Variants in TLCD3B observed in about 807,000 individuals in gnomAD.
TLCD3B encodes ceramide synthase.
A neutral mutation model predicts 23.0 loss-of-function variants in TLCD3B; 9 were observed. The ratio of observed to expected loss-of-function variants is 0.39; its 90% CI spans 0.24 to 0.68. The LOEUF is 0.68. TLCD3B is among the 30% of genes least tolerant of loss of function. The pLI, the probability that TLCD3B is intolerant of heterozygous loss-of-function variation, is 0.44. For missense variants in TLCD3B, 307 were observed against 371.8 expected (o/e 0.83, Z 1.43); for synonymous variants, 161 against 161.0 (o/e 1.00, Z 0.00).
chr16:30,039,772 C>T (rs768877792), intron 3 of TLCD3B, among the ~76,000 whole-genome samples: 7 of 152,028 alleles, frequency 4.6e-5, no homozygotes, highest in African/African-American at 1.4e-4. Flanking sequence ...CCACCATGCT[C>T]GGCCAGTGTT....
chr16:30,025,639 G>T lies in TLCD3B; in HGVS notation c.540+87C>A. On this transcript the variant is annotated intron_variant, in intron 4 of 4. Transcript: ENST00000380495. This position sits in a 1 kb window ranked among gnomAD's most constrained non-coding sequence, Gnocchi z 4.1. Reference sequence around the variant, plus strand: ...GGGGTGAGGGGGGGATGACGAAGGGGCTAGAGCCCTTGGCAGCAACCTTGA... The same window carrying T: ...GGGGTGAGGGGGGGATGACGAAGGGTCTAGAGCCCTTGGCAGCAACCTTGA... The T allele has an allele frequency of 1.3e-6, 2 of 1,494,658 alleles. No homozygotes were observed. The highest frequency in any genetic ancestry group is 1.9e-6 in the Non-Finnish European group (2 of 1,072,944). The allele number at this position is 1,494,658 out of a possible 1,614,324, so 92.6% of individuals were successfully genotyped here.
chr16:30,024,456 C>T lies in TLCD3B; in HGVS notation c.*727G>A, dbSNP rs1319415211. ...GTTCACGCAGATCGTCTTTTATTAG[C>T]GGTCTGTAAAGCACCTCCCAGGGTC... On this transcript the variant is annotated 3_prime_UTR_variant, in exon 5 of 5. Transcript: ENST00000380495. The T allele has an allele frequency of 9.5e-6, 6 of 630,152 alleles. No homozygotes were observed. Among genetic ancestry groups the T allele is most frequent in the East Asian group, 5.5e-5 (2 of 36,044 alleles). The allele number at this position is 630,152 out of a possible 1,614,324, so 39.0% of individuals were successfully genotyped here.
chr16:30,028,285 G>A (rs921575131), intron 2 of TLCD3B, among the ~76,000 whole-genome samples: 1 of 152,186 alleles, frequency 6.6e-6, no homozygotes, highest in African/African-American at 2.4e-5. Context: ...TAGGTGCTCA[G>A]AAGTAGGAAC....
At chr16:30,030,161 A>G in intron 1 of TLCD3B, 2 of 1,468,150 alleles carry the variant, frequency 1.4e-6, no homozygotes, top group South Asian at 2.4e-5. Context: ...GGGAGGGTGT[A>G]CGGGGAAGAA....
At chr16:30,035,565 C>G (rs149378381), upstream of TLCD3B, 34 of 1,233,046 alleles carry the variant, frequency 2.8e-5, no homozygotes, top group South Asian at 6.7e-5. Flanking sequence ...TTCTTCACCC[C>G]CAATGAGGCA....
At chr16:30,038,036 A>G (rs1681614889) in intron 3 of TLCD3B, among the ~76,000 whole-genome samples, 1 of 152,184 alleles carries the variant, frequency 6.6e-6, no homozygotes, top group African/African-American at 2.4e-5. Flanking sequence ...AAGTGTTGGA[A>G]ATGGCCTTAT....
At chr16:30,034,653 C>G (rs545571892), upstream of TLCD3B, among the ~76,000 whole-genome samples, 2 of 152,210 alleles carry the variant, frequency 1.3e-5, no homozygotes, top group East Asian at 3.9e-4. Flanking sequence ...GTGGCTGGAG[C>G]TGAGCAGCAC....
chr16:30,025,933 T>C lies in TLCD3B; in HGVS notation c.445-112A>G, dbSNP rs2071110204. ...TTTGGGAGATGCTTGACTCTGAACA[T>C]CAGAACACCTGGGTGCAGGGCTGGG... On this transcript the variant is annotated intron_variant, in intron 3 of 4. Coordinates refer to ENST00000380495, the MANE Select transcript of TLCD3B (RefSeq NM_031478.6). This position sits in a 1 kb window ranked among gnomAD's most constrained non-coding sequence, Gnocchi z 4.1. The C allele has an allele frequency of 1.2e-6, 1 of 801,914 alleles. No individual in the cohort carries two copies. Among genetic ancestry groups the C allele is most frequent in the African/African-American group, 1.7e-5 (1 of 59,024 alleles). The allele number at this position is 801,914 out of a possible 1,614,324, so 49.7% of individuals were successfully genotyped here.
chr16:30,030,522 C>T lies in TLCD3B; in HGVS notation c.6G>A (p.Leu2=). M[L]TPMVAGGVVF... The stretch of plus-strand genomic sequence containing the variant: ...CCACCCCCCCGGCCACCATCGGGGT[C>T]AGCATGGTGGCTCAGGACTTGGGCA... Residue 2 remains leucine (L), a synonymous_variant, in exon 1 of 5, where the codon CTG becomes CTA. Transcript: ENST00000380495. 1 of 1,581,232 alleles carries T rather than the reference C, an allele frequency of 6.3e-7. No homozygotes were observed. Among genetic ancestry groups the T allele is most frequent in the Non-Finnish European group, 8.6e-7 (1 of 1,167,796 alleles).
intron 2 of TLCD3B, among the ~76,000 whole-genome samples, chr16:30,045,055 T>C (rs1392810729): frequency 7.8e-6 from 1 of 127,492 alleles, no homozygotes; most frequent in Non-Finnish European, 1.5e-5. Flanking sequence ...ATCGTGTCAC[T>C]GTACTCCAGC....
chr16:30,042,083 A>G (rs1014795628), intron 2 of TLCD3B, among the ~76,000 whole-genome samples: 3 of 152,254 alleles, frequency 2.0e-5, no homozygotes, highest in East Asian at 1.9e-4. Context: ...TTAATAACAC[A>G]GATATATTTA....
intron 2 of TLCD3B, among the ~76,000 whole-genome samples, chr16:30,043,112 A>G (rs2071603234): frequency 6.6e-6 from 1 of 152,126 alleles, no homozygotes; most frequent in Non-Finnish European, 1.5e-5. Context: ...AAGAAAAAAA[A>G]AGCAAACATT....
At chr16:30,051,530 AAAAAAAAAAG>A (rs1172812874) in intron 1 of TLCD3B, among the ~76,000 whole-genome samples, 1 of 151,002 alleles carries the variant, frequency 6.6e-6, no homozygotes, top group Non-Finnish European at 1.5e-5. Context: ...TCAAAAAAAA[AAAAAAAAAAG>A]AAAAGAAAAG....
chr16:30,036,618 T>C, intron 3 of TLCD3B: 1 of 317,068 alleles, frequency 3.2e-6, no homozygotes, highest in Non-Finnish European at 6.0e-6. Flanking sequence ...GGTGCCATCC[T>C]CCTAATGGCC....
chr16:30,050,184 C>CT (rs1181960150), intron 1 of TLCD3B, among the ~76,000 whole-genome samples: 11 of 152,164 alleles, frequency 7.2e-5, no homozygotes, highest in African/African-American at 2.7e-4. Context: ...TCCTGGAGGC[C>CT]TTTTGTAGGG....
chr16:30,028,610 C>T (rs1041927893), intron 2 of TLCD3B, among the ~76,000 whole-genome samples: 8 of 152,222 alleles, frequency 5.3e-5, no homozygotes, highest in Admixed American at 2.6e-4. Context: ...CAGGAAGGGC[C>T]GCTGCCTCAC....
chr16:30,027,923 C>G (rs989275382), intron 2 of TLCD3B, among the ~76,000 whole-genome samples: 1 of 152,166 alleles, frequency 6.6e-6, no homozygotes. Flanking sequence ...GCTGAGGCCT[C>G]TGAGGATGGG....
chr16:30,052,141 CG>C (rs2071768745), intron 1 of TLCD3B, among the ~76,000 whole-genome samples: 1 of 152,032 alleles, frequency 6.6e-6, no homozygotes, highest in African/African-American at 2.4e-5. Flanking sequence ...CCAAGGCGGG[CG>C]GGATTGCCTG....
chr16:30,048,326 G>T (rs981040533), intron 1 of TLCD3B, among the ~76,000 whole-genome samples: 1 of 151,664 alleles, frequency 6.6e-6, no homozygotes, highest in Non-Finnish European at 1.5e-5. Context: ...TCTGAGGCTG[G>T]TCTTGAACTC....
Sources: gnomAD v4.1 joint callset for allele counts (sites outside exome capture counted in the v4.1 genomes callset) on GRCh38, gnomAD v4.1.1 for gene constraint, Gnocchi (gnomAD v3.1) non-coding constraint, MANE v1.5 for transcripts, NCBI Gene and HGNC (gene_info 2026-07-23, HGNC 2026-07-21) for gene names.